Variants in TENM3 observed in about 807,000 individuals in gnomAD.
TENM3 encodes the protein teneurin-3.
In TENM3, 63 loss-of-function variants were observed where a neutral mutation model predicts 255.1. The observed-to-expected ratio is 0.25, with a 90% CI of 0.20 to 0.30. The LOEUF (loss-of-function observed/expected upper bound fraction) is 0.30, where lower values mean the gene tolerates loss of function less well. Ranked by LOEUF, TENM3 falls within the 10% of genes least tolerant of loss-of-function variation. The pLI, the probability that TENM3 is intolerant of heterozygous loss-of-function variation, is 1.00. For missense variants in TENM3, 2,929 were observed against 3,461.1 expected (o/e 0.85, Z 3.86); for synonymous variants, 1,306 against 1,322.3 (o/e 0.99, Z 0.27).
intron 3 of TENM3, among the ~76,000 whole-genome samples, chr4:182,379,838 A>C (rs1338823289): frequency 2.0e-5 from 3 of 152,160 alleles, no homozygotes; most frequent in African/African-American, 7.2e-5. Context: ...TCGTCAATCA[A>C]GGGGGTTAAA....
intron 3 of TENM3, among the ~76,000 whole-genome samples, chr4:182,510,714 C>T (rs10026641): frequency 0.036 from 5,520 of 152,230 alleles, 220 homozygotes; most frequent in African/African-American, 0.097. Flanking sequence ...CTATGAACTT[C>T]CCCTATAGCA....
chr4:182,590,464 C>A (rs772708417), intron 3 of TENM3, among the ~76,000 whole-genome samples: 3 of 144,852 alleles, frequency 2.1e-5, no homozygotes, highest in Non-Finnish European at 4.5e-5. Context: ...ATAGTGAAAA[C>A]CTGTGTCTAC....
chr4:181,991,618 A>G, the TENM3 span, among the ~76,000 whole-genome samples: 2 of 152,296 alleles, frequency 1.3e-5, no homozygotes, highest in Middle Eastern at 6.8e-3. Context: ...CTTGTGGACC[A>G]GTGTCAGCCT....
At chr4:182,165,749 T>C (rs374461287) in intron 1 of TENM3, among the ~76,000 whole-genome samples, 19 of 152,298 alleles carry the variant, frequency 1.2e-4, no homozygotes, top group African/African-American at 4.6e-4. Flanking sequence ...TCACTCTTTT[T>C]TGGGGGGTGA....
chr4:181,625,535 G>A, the TENM3 span, among the ~76,000 whole-genome samples: 1 of 152,058 alleles, frequency 6.6e-6, no homozygotes, highest in Non-Finnish European at 1.5e-5. Context: ...GTATACTGCC[G>A]GGCGCAGTGG....
upstream of TENM3, chr4:182,142,059 A>G (rs1749479870): frequency 1.3e-5 from 2 of 152,246 alleles, no homozygotes; most frequent in South Asian, 4.1e-4. Context: ...TCCGGATTCA[A>G]ATTTCAAGTA....
chr4:181,871,491 A>T, the TENM3 span, among the ~76,000 whole-genome samples: 40 of 152,066 alleles, frequency 2.6e-4, 2 homozygotes, highest in African/African-American at 8.4e-4. Flanking sequence ...GTAAACAGTC[A>T]TTTTGTCTAT....
the TENM3 span, among the ~76,000 whole-genome samples, chr4:181,869,104 T>C: frequency 6.6e-6 from 1 of 152,172 alleles, no homozygotes; most frequent in East Asian, 1.9e-4. Context: ...CTGTTTCCTT[T>C]CATAAAAAAT....
chr4:181,651,838 C>T, the TENM3 span, among the ~76,000 whole-genome samples: 2 of 152,010 alleles, frequency 1.3e-5, no homozygotes, highest in Non-Finnish European at 2.9e-5. Context: ...ATAAAACATC[C>T]GTTCAAATAA....
At chr4:181,473,953 A>G in the TENM3 span, among the ~76,000 whole-genome samples, 1 of 151,012 alleles carries the variant, frequency 6.6e-6, no homozygotes, top group Non-Finnish European at 1.5e-5. Flanking sequence ...CTGTGTATAA[A>G]AATTACCATA....
chr4:182,199,798 T>C (rs1421098434), intron 1 of TENM3, among the ~76,000 whole-genome samples: 5 of 142,526 alleles, frequency 3.5e-5, no homozygotes, highest in Admixed American at 3.1e-4. Flanking sequence ...CAATCACAGC[T>C]CACTGCAGCC....
the TENM3 span, among the ~76,000 whole-genome samples, chr4:181,684,004 G>A: frequency 5.0e-3 from 769 of 152,314 alleles, 5 homozygotes; most frequent in African/African-American, 0.018. Flanking sequence ...CCACGGGGAA[G>A]CATTTAACAA....
chr4:181,772,757 A>G, the TENM3 span, among the ~76,000 whole-genome samples: 1 of 152,192 alleles, frequency 6.6e-6, no homozygotes, highest in Non-Finnish European at 1.5e-5. Context: ...CAGCTGGTAT[A>G]CTACAGACCT....
intron 1 of TENM3, among the ~76,000 whole-genome samples, chr4:182,298,865 C>T (rs1302539224): frequency 6.6e-6 from 1 of 150,962 alleles, no homozygotes; most frequent in African/African-American, 2.4e-5. Flanking sequence ...CCCGGCTACT[C>T]GGGAGGCTGA....
chr4:181,483,178 T>G, the TENM3 span, among the ~76,000 whole-genome samples: 1 of 152,160 alleles, frequency 6.6e-6, no homozygotes, highest in African/African-American at 2.4e-5. Flanking sequence ...CATATATTTC[T>G]CCAGTAGTTT....
At chr4:182,523,462 G>A (rs559157910) in intron 3 of TENM3, among the ~76,000 whole-genome samples, 176 of 152,250 alleles carry the variant, frequency 1.2e-3, no homozygotes, top group African/African-American at 4.1e-3. Context: ...AATGTGATGG[G>A]TAGGGGCAAC....
At chr4:181,746,661 T>A in the TENM3 span, among the ~76,000 whole-genome samples, 1 of 152,150 alleles carries the variant, frequency 6.6e-6, no homozygotes, top group African/African-American at 2.4e-5. Flanking sequence ...CTTACTTAGG[T>A]ACCACTTTAT....
Position 182,789,063 on chromosome 4 carries a change from T to G in TENM3, c.5305-30T>G. The G allele has an allele frequency of 6.4e-7, 1 of 1,563,024 alleles. No homozygotes were observed. ...ACTCCGGTGTTGGAATAACATGATT[T>G]ATTTTATCATCTTGTTGGTGTTGTA... is the stretch of plus-strand genomic sequence containing the variant. On this transcript the variant is annotated intron_variant, in intron 24 of 27. Coordinates refer to ENST00000511685, the MANE Select transcript of TENM3 (RefSeq NM_001080477.4). The surrounding 1 kb of genome is among the most constrained non-coding windows in gnomAD (Gnocchi z 4.4).
At chr4:182,610,416 C>T (rs942543952) in intron 4 of TENM3, among the ~76,000 whole-genome samples, 1 of 152,166 alleles carries the variant, frequency 6.6e-6, no homozygotes, top group African/African-American at 2.4e-5. Flanking sequence ...TGTGGTGGCT[C>T]ATGCCTGTAA....
Sources: gnomAD v4.1 joint callset for allele counts (sites outside exome capture counted in the v4.1 genomes callset) on GRCh38, gnomAD v4.1.1 for gene constraint, Gnocchi (gnomAD v3.1) non-coding constraint, MANE v1.5 for transcripts, NCBI Gene and HGNC (gene_info 2026-07-23, HGNC 2026-07-21) for gene names.